Variants in GPC6 observed in about 807,000 individuals in gnomAD.
The protein encoded by GPC6 is glypican-6.
Under a neutral mutation model 55.2 loss-of-function variants are expected in GPC6, and 14 were observed. The ratio of observed to expected loss-of-function variants is 0.25; its 90% CI spans 0.17 to 0.40. The LOEUF (loss-of-function observed/expected upper bound fraction) is 0.40, where lower values mean the gene tolerates loss of function less well. GPC6 is among the 10% of genes least tolerant of loss of function. The pLI is 1.00. For synonymous variants in GPC6, 278 were observed against 259.6 expected, an observed-to-expected ratio of 1.07 and a Z score of -0.68; for missense variants, 641 against 708.5, an observed-to-expected ratio of 0.90 and a Z score of 1.08.
chr13:93,359,548 TGAATGTGCAAACTGCAATGGGG>T (rs1880974382), intron 1 of GPC6, among the ~76,000 whole-genome samples: 2 of 152,312 alleles, frequency 1.3e-5, no homozygotes, highest in South Asian at 4.1e-4. Context: ...GTGCAATAGT[TGAATGTGCAAACTGCAATGGGG>T]AAAATATTAA....
chr13:93,700,129 A>G (rs957931344), intron 2 of GPC6, among the ~76,000 whole-genome samples: 2 of 152,246 alleles, frequency 1.3e-5, no homozygotes, highest in South Asian at 4.2e-4. Flanking sequence ...TGTGGCGCAC[A>G]GTTATGAAAA....
At chr13:94,291,089 A>T (rs958961007) in intron 5 of GPC6, among the ~76,000 whole-genome samples, 1 of 152,134 alleles carries the variant, frequency 6.6e-6, no homozygotes, top group African/African-American at 2.4e-5. Context: ...GCTACTCAGG[A>T]GGCTGAGGCA....
intron 2 of GPC6, among the ~76,000 whole-genome samples, chr13:93,709,011 T>C (rs147778992): frequency 7.9e-5 from 12 of 151,928 alleles, no homozygotes; most frequent in African/African-American, 2.2e-4. Flanking sequence ...TACGATGTAT[T>C]GAAGGATATC....
intron 1 of GPC6, among the ~76,000 whole-genome samples, chr13:93,464,723 T>C (rs1339844409): frequency 6.6e-6 from 1 of 152,232 alleles, no homozygotes; most frequent in Non-Finnish European, 1.5e-5. Flanking sequence ...TGTTGGTATT[T>C]TGATTTCCTC....
chr13:94,321,620 G>A (rs1464733502), intron 6 of GPC6, among the ~76,000 whole-genome samples: 4 of 152,140 alleles, frequency 2.6e-5, no homozygotes, highest in Non-Finnish European at 1.5e-5. Flanking sequence ...GCAGAGCATT[G>A]GAACGGTTAT....
intron 6 of GPC6, among the ~76,000 whole-genome samples, chr13:94,349,421 T>G (rs534192055): frequency 0.01 from 1,589 of 152,284 alleles, 24 homozygotes; most frequent in Non-Finnish European, 0.014. Flanking sequence ...ACCCTGAAGT[T>G]ATCATTCTCC....
intron 4 of GPC6, among the ~76,000 whole-genome samples, chr13:94,063,647 C>T (rs1163735916): frequency 2.0e-5 from 3 of 152,132 alleles, no homozygotes; most frequent in Non-Finnish European, 4.4e-5. Context: ...AGTTTGTCCT[C>T]TCTCAAAGCC....
At chr13:94,261,579 G>T (rs562108251) in intron 4 of GPC6, among the ~76,000 whole-genome samples, 2 of 152,304 alleles carry the variant, frequency 1.3e-5, no homozygotes, top group African/African-American at 4.8e-5. Flanking sequence ...TACCCAGAGG[G>T]TATATACAGA....
At chr13:93,473,697 C>T (rs1221894850) in intron 1 of GPC6, among the ~76,000 whole-genome samples, 1 of 152,194 alleles carries the variant, frequency 6.6e-6, no homozygotes, top group Non-Finnish European at 1.5e-5. Flanking sequence ...GACCATGCTG[C>T]TCCCCTACTG....
At position 94,331,687 on chromosome 13, in the gene GPC6, A is replaced by G. The variant is rs145438136; in HGVS notation, c.1152+25564A>G. 8.0e-4 allele frequency among the ~76,000 whole-genome samples: 122 copies of G among 152,338 alleles called. 3 individuals are homozygous for G. The East Asian group carries it at 0.02, about 25-fold the overall frequency. ...ATAAATTCATGCATTTCCAAATAGTATGAGAAAGGATCCTAGTATGAAAAT... is the reference window on the plus strand; with the variant it reads ...ATAAATTCATGCATTTCCAAATAGTGTGAGAAAGGATCCTAGTATGAAAAT... On this transcript the variant is annotated intron_variant, in intron 6 of 8. Coordinates refer to ENST00000377047, the MANE Select transcript of GPC6 (RefSeq NM_005708.5).
chr13:93,577,666 C>T (rs1876728264), intron 2 of GPC6, among the ~76,000 whole-genome samples: 1 of 151,886 alleles, frequency 6.6e-6, no homozygotes, highest in South Asian at 2.1e-4. Context: ...ATTTGACTTC[C>T]AGAAGGAAAA....
chr13:94,002,941 A>G (rs1287242385), intron 3 of GPC6, among the ~76,000 whole-genome samples: 3 of 152,228 alleles, frequency 2.0e-5, no homozygotes, highest in Admixed American at 1.3e-4. Flanking sequence ...GTCATTTTCT[A>G]TGGACATTTG....
intron 1 of GPC6, among the ~76,000 whole-genome samples, chr13:93,377,385 C>A (rs978856075): frequency 5.9e-5 from 9 of 152,126 alleles, no homozygotes; most frequent in African/African-American, 1.9e-4. Flanking sequence ...AGGAAAGGGG[C>A]TAGAAGGTGG....
At chr13:94,356,977 A>G (rs1878829546) in intron 6 of GPC6, among the ~76,000 whole-genome samples, 4 of 152,178 alleles carry the variant, frequency 2.6e-5, no homozygotes, top group Admixed American at 1.3e-4. Context: ...TTAAGAATCC[A>G]TGATTGATAG....
chr13:94,227,473 A>G (rs1032823524), intron 4 of GPC6, among the ~76,000 whole-genome samples: 1 of 152,204 alleles, frequency 6.6e-6, no homozygotes, highest in Admixed American at 6.5e-5. Context: ...TAGGACATTC[A>G]CCTGGGTGCC....
At chr13:93,902,957 G>A (rs965017104) in intron 3 of GPC6, among the ~76,000 whole-genome samples, 4 of 152,158 alleles carry the variant, frequency 2.6e-5, no homozygotes, top group Non-Finnish European at 5.9e-5. Flanking sequence ...TTCAACAAAA[G>A]TGCCAAGAAC....
At chr13:94,122,744 A>G (rs1886678990) in intron 4 of GPC6, among the ~76,000 whole-genome samples, 1 of 152,024 alleles carries the variant, frequency 6.6e-6, no homozygotes, top group African/African-American at 2.4e-5. Flanking sequence ...TGCTGCAAAA[A>G]TCTCTCCAAC....
At chr13:93,422,920 A>T (rs967202573) in intron 1 of GPC6, among the ~76,000 whole-genome samples, 1 of 152,184 alleles carries the variant, frequency 6.6e-6, no homozygotes, top group East Asian at 1.9e-4. Context: ...CACAGAGTAG[A>T]GATTTAATTA....
At chr13:93,700,311 T>C (rs887166165) in intron 2 of GPC6, among the ~76,000 whole-genome samples, 43 of 152,034 alleles carry the variant, frequency 2.8e-4, no homozygotes, top group African/African-American at 9.9e-4. Flanking sequence ...TTAGAGTAAA[T>C]CATTTCCAGT....
Sources: gnomAD v4.1 joint callset for allele counts (sites outside exome capture counted in the v4.1 genomes callset) on GRCh38, gnomAD v4.1.1 for gene constraint, MANE v1.5 for transcripts, NCBI Gene and HGNC (gene_info 2026-07-23, HGNC 2026-07-21) for gene names.